The following CNTN3 variants were observed in gnomAD, a reference collection of about 807,000 sequenced individuals.
CNTN3 encodes contactin 3.
Under a neutral mutation model 119.1 loss-of-function variants are expected in CNTN3, and 60 were observed. That is an observed-to-expected ratio of 0.50 (90% CI 0.41 to 0.62). The LOEUF (loss-of-function observed/expected upper bound fraction) is 0.62, where lower values mean the gene tolerates loss of function less well. CNTN3 is among the 20% of genes least tolerant of loss of function. The pLI is 0.00. For synonymous variants in CNTN3, 450 were observed against 438.7 expected (o/e 1.03, Z -0.32); for missense variants, 1,101 against 1,242.4 (o/e 0.89, Z 1.71).
Position 74,614,473 on chromosome 3 carries a change from C to A in CNTN3, c.-163G>T, listed in dbSNP as rs1364707076. On this transcript the variant is annotated 5_prime_UTR_variant, in exon 1 of 23. Coordinates refer to ENST00000263665, the MANE Select transcript of CNTN3 (RefSeq NM_020872.3). The stretch of plus-strand genomic sequence containing the variant: ...CCGCCGCCGCCGCCGCCACCGCCGC[C>A]GCCGCAGTTAGTCCGGGCCCGGGGG... Among the ~76,000 whole-genome samples, 1 of 145,754 alleles carries A rather than the reference C, an allele frequency of 6.9e-6. No individual in the cohort carries two copies. The highest frequency in any genetic ancestry group is 1.5e-5 in the Non-Finnish European group (1 of 65,936).
chr3:74,335,009 T>C (rs1575733965), intron 12 of CNTN3, 99 bp from the exon 13 acceptor site: 1 of 744,100 alleles, frequency 1.3e-6, no homozygotes. Context: ...TGTATGTCTG[T>C]AGATGCATAT....
intron 13 of CNTN3, among the ~76,000 whole-genome samples, chr3:74,311,413 A>AG (rs961654202): frequency 3.9e-5 from 6 of 152,238 alleles, no homozygotes; most frequent in African/African-American, 1.4e-4. Flanking sequence ...AAGAAAAAAA[A>AG]GGTTTATAAA....
At chr3:74,506,447 A>G (rs1703260152) in intron 2 of CNTN3, among the ~76,000 whole-genome samples, 2 of 152,178 alleles carry the variant, frequency 1.3e-5, no homozygotes, top group African/African-American at 4.8e-5. Flanking sequence ...GCAGAAAAAC[A>G]GGGTGGGAGG....
rs147378255 is a variant in CNTN3 at position 74,544,524 on chromosome 3, T to C, written c.-80-23332A>G. ...AACCCTCCTCCCCACTTGGACTAAC[T>C]CAATGAAAACATCAGTGTGAGATCA... On this transcript the variant is annotated intron_variant, in intron 1 of 22. Transcript: ENST00000263665. Among the ~76,000 whole-genome samples the C allele has an allele frequency of 4.6e-4, 70 of 152,152 alleles. 2 individuals are homozygous for C. Among genetic ancestry groups the C allele is most frequent in the Middle Eastern group, 6.8e-3 (2 of 292 alleles).
chr3:74,437,141 C>T (rs561798466), intron 4 of CNTN3, among the ~76,000 whole-genome samples: 4 of 152,164 alleles, frequency 2.6e-5, no homozygotes, highest in East Asian at 1.9e-4. Context: ...TGCTCATTTG[C>T]TAAATCAAAC....
chr3:74,391,849 G>A (rs1220618500), intron 5 of CNTN3, among the ~76,000 whole-genome samples: 1 of 152,010 alleles, frequency 6.6e-6, no homozygotes, highest in Non-Finnish European at 1.5e-5. Flanking sequence ...GTAGAGTTGG[G>A]GTTTCACCAT....
intron 11 of CNTN3, among the ~76,000 whole-genome samples, chr3:74,344,396 GGTTTTTTTTTTTTTTTTT>G (rs1703629515): frequency 2.3e-5 from 2 of 87,810 alleles, no homozygotes; most frequent in African/African-American, 8.1e-5. Flanking sequence ...CTTACACAGT[GGTTTTTTTTTTTTTTTTT>G]TTTTTTTTTT....
At chr3:74,319,621 C>G (rs1485448955) in intron 13 of CNTN3, among the ~76,000 whole-genome samples, 1 of 151,806 alleles carries the variant, frequency 6.6e-6, no homozygotes, top group Non-Finnish European at 1.5e-5. Flanking sequence ...GACTTCATGT[C>G]TAAAACACCA....
intron 4 of CNTN3, among the ~76,000 whole-genome samples, chr3:74,452,328 G>A (rs1452570134): frequency 8.4e-6 from 1 of 119,544 alleles, no homozygotes; most frequent in East Asian, 2.7e-4. Context: ...TCTGTTATTG[G>A]TGTATAAGAA....
chr3:74,561,538 C>T (rs1013096478), intron 1 of CNTN3, among the ~76,000 whole-genome samples: 1 of 152,108 alleles, frequency 6.6e-6, no homozygotes, highest in African/African-American at 2.4e-5. Context: ...CCTCATGCTG[C>T]AGTCTCCCAT....
At chr3:74,583,216 T>C (rs1448250383) in intron 1 of CNTN3, among the ~76,000 whole-genome samples, 4 of 152,160 alleles carry the variant, frequency 2.6e-5, no homozygotes, top group Non-Finnish European at 5.9e-5. Flanking sequence ...GTTCAGAGTG[T>C]GACCTCTGGA....
At chr3:74,566,296 C>A (rs997315727) in intron 1 of CNTN3, among the ~76,000 whole-genome samples, 2 of 152,162 alleles carry the variant, frequency 1.3e-5, no homozygotes, top group African/African-American at 2.4e-5. Context: ...GCTGTTACCA[C>A]CCCCAGGCCA....
intron 2 of CNTN3, among the ~76,000 whole-genome samples, chr3:74,509,454 T>C (rs1056376553): frequency 3.3e-5 from 5 of 152,050 alleles, no homozygotes; most frequent in Admixed American, 2.0e-4. Flanking sequence ...CACGCCATCA[T>C]GCCCAACTAA....
intron 4 of CNTN3, among the ~76,000 whole-genome samples, chr3:74,480,846 G>T (rs1702750985): frequency 6.6e-6 from 1 of 151,792 alleles, no homozygotes; most frequent in African/African-American, 2.4e-5. Context: ...ATTAACTTTA[G>T]ATTTTGTTAA....
chr3:74,336,858 G>A (rs1703407112), intron 11 of CNTN3, among the ~76,000 whole-genome samples, 200 bp from the exon 12 acceptor site: 1 of 151,094 alleles, frequency 6.6e-6, no homozygotes, highest in Admixed American at 6.6e-5. Context: ...GCACAGCATT[G>A]GATGACAAAA....
intron 1 of CNTN3, among the ~76,000 whole-genome samples, chr3:74,598,393 T>C (rs536774877): frequency 2.2e-4 from 34 of 152,168 alleles, no homozygotes; most frequent in Admixed American, 2.0e-3. Context: ...CAACACCATA[T>C]GGATCAAAGA....
intron 11 of CNTN3, among the ~76,000 whole-genome samples, 170 bp from the exon 12 acceptor site, chr3:74,336,828 A>T (rs1326119897): frequency 1.3e-5 from 2 of 151,518 alleles, no homozygotes; most frequent in South Asian, 2.1e-4. Flanking sequence ...TTCACCCCTC[A>T]CTCACATACA....
chr3:74,392,363 T>C (rs1704933708), intron 5 of CNTN3, among the ~76,000 whole-genome samples: 1 of 152,164 alleles, frequency 6.6e-6, no homozygotes, highest in Non-Finnish European at 1.5e-5. Context: ...CATTCTTCTT[T>C]ACTTTTGTCT....
chr3:74,528,909 G>C (rs1703656732), intron 1 of CNTN3, among the ~76,000 whole-genome samples: 1 of 151,856 alleles, frequency 6.6e-6, no homozygotes, highest in Admixed American at 6.6e-5. Context: ...GAATGTAGAA[G>C]AATGCAGCAA....
Sources: allele counts gnomAD v4.1 joint callset (sites outside exome capture counted in the v4.1 genomes callset), GRCh38; gene constraint gnomAD v4.1.1; transcripts MANE v1.5; gene names NCBI Gene and HGNC (gene_info 2026-07-23, HGNC 2026-07-21).